RECK: variants seen among roughly 807,000 people sequenced by gnomAD.
The protein encoded by RECK is reversion inducing cysteine rich protein with kazal motifs.
RECK carries 69 observed loss-of-function variants against 115.1 expected under a neutral mutation model. The observed-to-expected ratio is 0.60, with a 90% CI of 0.49 to 0.73. The LOEUF (loss-of-function observed/expected upper bound fraction) is 0.73, where lower values mean the gene tolerates loss of function less well. Ranked by LOEUF, RECK falls within the 30% of genes least tolerant of loss-of-function variation. RECK has a pLI of 0.00. For missense variants in RECK, 1,047 were observed against 1,203.7 expected, an observed-to-expected ratio of 0.87 and a Z score of 1.93; for synonymous variants, 414 against 419.7, an observed-to-expected ratio of 0.99 and a Z score of 0.17.
intron 1 of RECK, among the ~76,000 whole-genome samples, chr9:36,048,126 A>AAAATAT (rs773128708): frequency 8.7e-6 from 1 of 115,406 alleles, no homozygotes; most frequent in African/African-American, 4.3e-5. Context: ...ACACAGGTTG[A>AAAATAT]ATATATATAT....
At chr9:36,054,451 G>A (rs1821437444) in intron 2 of RECK, among the ~76,000 whole-genome samples, 1 of 147,718 alleles carries the variant, frequency 6.8e-6, no homozygotes, top group Non-Finnish European at 1.5e-5. Context: ...AGTGTCAGAT[G>A]CCAAAGAAAA....
intron 1 of RECK, among the ~76,000 whole-genome samples, chr9:36,038,053 C>T (rs1330218038): frequency 6.6e-6 from 1 of 151,166 alleles, no homozygotes; most frequent in Middle Eastern, 3.2e-3. Flanking sequence ...AGGCTCTCCC[C>T]TGTAATCCCA....
intron 16 of RECK, among the ~76,000 whole-genome samples, chr9:36,116,243 C>T (rs1383442071): frequency 6.6e-6 from 1 of 151,876 alleles, no homozygotes; most frequent in Non-Finnish European, 1.5e-5. Context: ...ATTATCCTGC[C>T]TCAGCCTCCT....
intron 6 of RECK, among the ~76,000 whole-genome samples, chr9:36,075,008 A>G (rs1822393410): frequency 6.6e-6 from 1 of 152,220 alleles, no homozygotes; most frequent in South Asian, 2.1e-4. Flanking sequence ...TGGCTAAGTC[A>G]GCTCAGATCT....
intron 1 of RECK, among the ~76,000 whole-genome samples, chr9:36,039,070 T>C (rs959304265): frequency 6.6e-6 from 1 of 152,184 alleles, no homozygotes; most frequent in East Asian, 1.9e-4. Flanking sequence ...TCATAACACC[T>C]AAAGCGCACT....
At chr9:36,056,621 A>G (rs1821540913) in intron 2 of RECK, among the ~76,000 whole-genome samples, 2 of 152,218 alleles carry the variant, frequency 1.3e-5, no homozygotes, top group South Asian at 4.1e-4. Context: ...CTAGACCTAT[A>G]TGGTAGCCAC....
At chr9:36,121,459 G>T in intron 19 of RECK, 74 bp from the exon 20 acceptor site, 1 of 1,442,130 alleles carries the variant, frequency 6.9e-7, no homozygotes. Context: ...TCAGCTGGCA[G>T]CCCAAAGCAA....
intron 15 of RECK, among the ~76,000 whole-genome samples, chr9:36,110,970 C>T (rs962470249): frequency 6.6e-6 from 1 of 152,174 alleles, no homozygotes; most frequent in Non-Finnish European, 1.5e-5. Flanking sequence ...GCTTTATTAT[C>T]ATCATCCTTT....
At chr9:36,057,206 T>C (rs915408569) in intron 2 of RECK, among the ~76,000 whole-genome samples, 1 of 152,152 alleles carries the variant, frequency 6.6e-6, no homozygotes, top group African/African-American at 2.4e-5. Flanking sequence ...GGAGAATTTA[T>C]GTGCCATAAT....
intron 2 of RECK, among the ~76,000 whole-genome samples, chr9:36,055,925 G>A (rs1031953193): frequency 1.8e-4 from 28 of 151,824 alleles, no homozygotes; most frequent in Admixed American, 1.1e-3. Context: ...CATATCTTTC[G>A]TTTTTTCTTC....
At chr9:36,112,228 G>A in intron 15 of RECK, 77 bp from the exon 16 acceptor site, 2 of 1,386,328 alleles carry the variant, frequency 1.4e-6, no homozygotes, top group South Asian at 1.2e-5. Context: ...GATTGCTCAT[G>A]GTTTGCCTTA....
chr9:36,118,478 A>G (rs1487442176), intron 17 of RECK, among the ~76,000 whole-genome samples: 1 of 152,194 alleles, frequency 6.6e-6, no homozygotes, highest in Non-Finnish European at 1.5e-5. Flanking sequence ...GGTAGCAGGA[A>G]AGAAGATTTT....
chr9:36,091,277 C>G lies in RECK; in HGVS notation c.1019C>G (p.Ala340Gly). The G allele has an allele frequency of 6.2e-7, 1 of 1,610,518 alleles. No homozygotes were observed. The highest frequency in any genetic ancestry group is 8.5e-7 in the Non-Finnish European group (1 of 1,178,754). ...PVEVSMLTCLADVREPCQLGC... is the reference protein window; with the variant it reads ...PVEVSMLTCLGDVREPCQLGC... ...GAAGTGTCCATGTTGACCTGTTTAGCGGATGTCCGGGAACCTTGCCAGTTG... is the reference window on the plus strand; with the variant it reads ...GAAGTGTCCATGTTGACCTGTTTAGGGGATGTCCGGGAACCTTGCCAGTTG... Residue 340 changes from alanine (A) to glycine (G), a missense_variant, in exon 10 of 21, where the codon GCG becomes GGG. Physicochemically the swap from Ala to Gly is moderately conservative, Grantham distance 60. Transcript: ENST00000377966.
At chr9:36,053,824 T>C (rs1821407122) in intron 2 of RECK, among the ~76,000 whole-genome samples, 1 of 152,196 alleles carries the variant, frequency 6.6e-6, no homozygotes, top group Admixed American at 6.6e-5. Flanking sequence ...AATACTATAG[T>C]CACCCTAATA....
At chr9:36,106,590 T>C (rs1312661715) in intron 13 of RECK, among the ~76,000 whole-genome samples, 1 of 151,988 alleles carries the variant, frequency 6.6e-6, no homozygotes, top group Non-Finnish European at 1.5e-5. Flanking sequence ...GCATGATGTC[T>C]CAAAGGATCA....
In RECK at chr9:36,065,667, T is replaced by A. The variant is rs373346811; in HGVS notation, c.405+43T>A. 26 of 1,360,202 alleles carry A rather than the reference T, an allele frequency of 1.9e-5. No homozygotes were observed. In the African/African-American group the frequency reaches 3.9e-4, roughly 20 times the overall value. 84.3% of individuals were successfully genotyped at this position (1,360,202 alleles called of 1,614,324 possible). A position where few individuals can be genotyped will look rare whatever the true frequency, so the allele number is the denominator to read the frequency against. On this transcript the variant is annotated intron_variant, in intron 6 of 20. Coordinates refer to ENST00000377966, the MANE Select transcript of RECK (RefSeq NM_021111.3). ...CAAATGTGGATAGCCTATTCAGATG[T>A]TATCAGAATTAACAAAATTACTTAA...
At chr9:36,047,631 G>C (rs200095683) in intron 1 of RECK, among the ~76,000 whole-genome samples, 25 of 152,046 alleles carry the variant, frequency 1.6e-4, no homozygotes, top group Admixed American at 1.5e-3. Context: ...TGAGTGCTTC[G>C]GTCCTCCCTT....
intron 6 of RECK, among the ~76,000 whole-genome samples, chr9:36,069,309 G>A (rs1305118011): frequency 6.6e-6 from 1 of 152,020 alleles, no homozygotes; most frequent in Non-Finnish European, 1.5e-5. Flanking sequence ...GGAGGCTGAG[G>A]CGGGTGGATC....
At chr9:36,068,419 A>G (rs1260829879) in intron 6 of RECK, among the ~76,000 whole-genome samples, 1 of 152,238 alleles carries the variant, frequency 6.6e-6, no homozygotes, top group Non-Finnish European at 1.5e-5. Flanking sequence ...ACTTAAAGGT[A>G]CTAGTTAAAA....
Sources: gnomAD v4.1 joint callset for allele counts (sites outside exome capture counted in the v4.1 genomes callset) on GRCh38, gnomAD v4.1.1 for gene constraint, MANE v1.5 for transcripts, NCBI Gene and HGNC (gene_info 2026-07-23, HGNC 2026-07-21) for gene names.